PRKG1: variants seen among roughly 807,000 people sequenced by gnomAD.
PRKG1 encodes protein kinase cGMP-dependent 1, also known as cGMP-dependent protein kinase 1.
A neutral mutation model predicts 88.1 loss-of-function variants in PRKG1; 35 were observed. That is an observed-to-expected ratio of 0.40 (90% CI 0.30 to 0.53). The LOEUF is 0.53. PRKG1 is among the 20% of genes least tolerant of loss of function. The pLI is 0.59. For missense variants in PRKG1, 540 were observed against 839.8 expected, an observed-to-expected ratio of 0.64 and a Z score of 4.41; for synonymous variants, 303 against 292.5, an observed-to-expected ratio of 1.04 and a Z score of -0.37.
chr10:51,302,579 GA>G (rs1176615145), intron 2 of PRKG1: 3 of 147,794 alleles, frequency 2.0e-5, no homozygotes, highest in Non-Finnish European at 4.5e-5. Context: ...TTAACGAGCA[GA>G]TATTTATAAC....
chr10:51,913,387 TCA>T (rs948276580), intron 5 of PRKG1, among the ~76,000 whole-genome samples: 3 of 152,210 alleles, frequency 2.0e-5, no homozygotes, highest in African/African-American at 7.2e-5. Context: ...CTCTAGTAGT[TCA>T]CAGTGTCTGT....
At chr10:52,088,101 T>C (rs1846961403) in intron 7 of PRKG1, among the ~76,000 whole-genome samples, 1 of 152,160 alleles carries the variant, frequency 6.6e-6, no homozygotes, top group East Asian at 1.9e-4. Context: ...AACTCTAATC[T>C]GTGGATGGGA....
chr10:51,172,743 A>G (rs1017234916), intron 2 of PRKG1, among the ~76,000 whole-genome samples: 6 of 151,854 alleles, frequency 4.0e-5, no homozygotes, highest in African/African-American at 1.2e-4. Flanking sequence ...ACTGCACACT[A>G]TTTTCCAAAT....
At chr10:52,111,814 G>A (rs1406914566) in intron 7 of PRKG1, among the ~76,000 whole-genome samples, 1 of 152,156 alleles carries the variant, frequency 6.6e-6, no homozygotes, top group Non-Finnish European at 1.5e-5. Context: ...ATCTTGAGGA[G>A]TTACTTCTTT....
At chr10:50,990,925 T>C (rs568418668) in exon 1 of PRKG1, 1 of 150,472 alleles carries the variant, frequency 6.6e-6, no homozygotes, top group South Asian at 2.2e-4. Flanking sequence ...GAGTGAGTTT[T>C]GTGTGATGGA....
chr10:51,410,900 C>T (rs1016911348), intron 2 of PRKG1, among the ~76,000 whole-genome samples: 1 of 151,570 alleles, frequency 6.6e-6, no homozygotes, highest in Non-Finnish European at 1.5e-5. Context: ...ATTTTAATGG[C>T]TACACATTTA....
At chr10:51,562,130 A>G (rs959149770) in intron 3 of PRKG1, among the ~76,000 whole-genome samples, 8 of 151,918 alleles carry the variant, frequency 5.3e-5, no homozygotes, top group African/African-American at 1.9e-4. Context: ...AGGCTGAGGC[A>G]GGAGAATCGC....
intron 3 of PRKG1, among the ~76,000 whole-genome samples, chr10:51,508,044 A>C (rs571703615): frequency 7.9e-5 from 12 of 152,278 alleles, no homozygotes; most frequent in African/African-American, 2.9e-4. Context: ...GGAGTCTGAT[A>C]GTCCAGATTC....
At chr10:51,106,591 T>C (rs1465453526) in intron 1 of PRKG1, among the ~76,000 whole-genome samples, 1 of 152,168 alleles carries the variant, frequency 6.6e-6, no homozygotes, top group Non-Finnish European at 1.5e-5. Context: ...ATCTTGGCCT[T>C]TCTTCAGCAG....
Position 51,733,421 on chromosome 10 carries a change from C to T in PRKG1, c.593-71164C>T, listed in dbSNP as rs77656148. ...GATGTTATTAATACTATTAGTTGCACCAACTAATAGGAACGTCTTGAACCA... is the reference window on the plus strand; with the variant it reads ...GATGTTATTAATACTATTAGTTGCATCAACTAATAGGAACGTCTTGAACCA... On this transcript the variant is annotated intron_variant, in intron 3 of 17. Transcript: ENST00000373980. Among the ~76,000 whole-genome samples, 682 of 152,148 alleles carry T rather than the reference C, an allele frequency of 4.5e-3. 2 individuals are homozygous for T. Among genetic ancestry groups the T allele is most frequent in the African/African-American group, 0.016 (652 of 41,518 alleles).
chr10:51,805,287 A>G (rs1839275635), intron 4 of PRKG1, among the ~76,000 whole-genome samples: 1 of 152,016 alleles, frequency 6.6e-6, no homozygotes, highest in South Asian at 2.1e-4. Context: ...TATTATCATA[A>G]TAACTCAATA....
intron 9 of PRKG1, among the ~76,000 whole-genome samples, chr10:52,163,775 TAGTA>T (rs1463685693): frequency 2.0e-5 from 3 of 152,214 alleles, no homozygotes; most frequent in East Asian, 1.9e-4. Context: ...CAATTAAAAG[TAGTA>T]AGTAAGAAAA....
At chr10:51,173,925 A>T (rs1209200192) in intron 2 of PRKG1, among the ~76,000 whole-genome samples, 1 of 151,864 alleles carries the variant, frequency 6.6e-6, no homozygotes, top group Non-Finnish European at 1.5e-5. Context: ...CTCTATTTTT[A>T]AATTAAATTA....
intron 3 of PRKG1, chr10:51,699,154 T>C (rs1841394247): frequency 6.2e-7 from 1 of 1,614,204 alleles, no homozygotes; most frequent in Non-Finnish European, 8.5e-7. Context: ...GGAGACTGGC[T>C]ACTGCTCTGG....
intron 5 of PRKG1, among the ~76,000 whole-genome samples, chr10:51,952,074 C>T (rs942798266): frequency 1.3e-5 from 2 of 152,104 alleles, no homozygotes; most frequent in Admixed American, 1.3e-4. Context: ...AGAAACTGGC[C>T]TACAAAGCCT....
intron 1 of PRKG1, among the ~76,000 whole-genome samples, chr10:51,145,698 C>G (rs536622775): frequency 6.6e-6 from 1 of 152,230 alleles, no homozygotes; most frequent in South Asian, 2.1e-4. Flanking sequence ...GGATGAACAC[C>G]TAAAAGAACA....
intron 3 of PRKG1, among the ~76,000 whole-genome samples, chr10:51,532,948 A>C (rs1842054257): frequency 6.6e-6 from 1 of 152,108 alleles, no homozygotes; most frequent in Admixed American, 6.5e-5. Context: ...GCTTGGGGGC[A>C]AGAAACCTAT....
At chr10:51,147,279 G>T (rs746004070) in intron 1 of PRKG1, among the ~76,000 whole-genome samples, 1 of 152,122 alleles carries the variant, frequency 6.6e-6, no homozygotes, top group East Asian at 1.9e-4. Flanking sequence ...AAAGCTAAAA[G>T]AATTTTAAAT....
chr10:51,018,275 A>G (rs942108956), intron 1 of PRKG1, among the ~76,000 whole-genome samples: 43 of 152,084 alleles, frequency 2.8e-4, no homozygotes, highest in African/African-American at 8.7e-4. Context: ...TTCCTTTCAC[A>G]TTAAAAGTGT....
Sources: gnomAD v4.1 joint callset for allele counts (sites outside exome capture counted in the v4.1 genomes callset) on GRCh38, gnomAD v4.1.1 for gene constraint, MANE v1.5 for transcripts, NCBI Gene and HGNC (gene_info 2026-07-23, HGNC 2026-07-21) for gene names.